The following FNDC3A variants were observed in gnomAD, a reference collection of about 807,000 sequenced individuals.
FNDC3A encodes fibronectin type-III domain-containing protein 3A.
FNDC3A carries 32 observed loss-of-function variants against 148.9 expected under a neutral mutation model. That is an observed-to-expected ratio of 0.21 (90% CI 0.16 to 0.29). The LOEUF is 0.29. FNDC3A is among the 10% of genes least tolerant of loss of function. The pLI is 1.00. For missense variants in FNDC3A, 1,191 were observed against 1,452.8 expected (o/e 0.82, Z 2.93); for synonymous variants, 472 against 473.6 (o/e 1.00, Z 0.04).
chr13:49,011,586 C>T (rs535549707), intron 2 of FNDC3A, among the ~76,000 whole-genome samples: 125 of 152,080 alleles, frequency 8.2e-4, no homozygotes, highest in Non-Finnish European at 1.4e-3. Context: ...GTCAGATTTA[C>T]CAGTTCTTTT....
chr13:49,063,126 A>G (rs913835037), intron 2 of FNDC3A, among the ~76,000 whole-genome samples: 1 of 152,230 alleles, frequency 6.6e-6, no homozygotes, highest in South Asian at 2.1e-4. Flanking sequence ...TGATCCAATA[A>G]GTATGAACAT....
At chr13:49,173,931 G>A (rs1884893957) in intron 11 of FNDC3A, among the ~76,000 whole-genome samples, 1 of 152,024 alleles carries the variant, frequency 6.6e-6, no homozygotes, top group South Asian at 2.1e-4. Context: ...TGTGCTCTCT[G>A]CTAGAACATT....
chr13:49,126,879 A>G (rs7336388), intron 4 of FNDC3A, among the ~76,000 whole-genome samples: 128 of 152,352 alleles, frequency 8.4e-4, no homozygotes, highest in African/African-American at 3.0e-3. Context: ...CAGTGTTACA[A>G]ATATCCAGCA....
At chr13:49,030,400 A>C (rs1874024876) in intron 2 of FNDC3A, among the ~76,000 whole-genome samples, 1 of 152,156 alleles carries the variant, frequency 6.6e-6, no homozygotes, top group Admixed American at 6.5e-5. Flanking sequence ...CAAAAAAAAC[A>C]CAATTAACAT....
chr13:49,153,968 G>C (rs1404672452), intron 8 of FNDC3A, among the ~76,000 whole-genome samples: 3 of 135,672 alleles, frequency 2.2e-5, no homozygotes, highest in Non-Finnish European at 4.7e-5. Context: ...CTCCAGCTTT[G>C]TTCTTTTGGC....
intron 7 of FNDC3A, among the ~76,000 whole-genome samples, chr13:49,139,714 C>T (rs1882584138): frequency 6.6e-6 from 1 of 152,126 alleles, no homozygotes. Context: ...TAAATTTACA[C>T]AATTATTTCA....
intron 3 of FNDC3A, among the ~76,000 whole-genome samples, chr13:49,090,645 C>T (rs1158947573): frequency 6.6e-6 from 1 of 151,206 alleles, no homozygotes; most frequent in Non-Finnish European, 1.5e-5. Context: ...AGAACAACAC[C>T]CTTTTATCCC....
chr13:49,152,153 C>T (rs764932734), intron 8 of FNDC3A, among the ~76,000 whole-genome samples: 1 of 152,202 alleles, frequency 6.6e-6, no homozygotes, highest in Non-Finnish European at 1.5e-5. Flanking sequence ...AATCACCACA[C>T]TGTCTTCCAC....
In FNDC3A at chr13:49,138,734, T is replaced by C; in HGVS notation, c.761-13T>C. The C allele has an allele frequency of 7.5e-7, 1 of 1,334,312 alleles. No individual in the cohort carries two copies. The highest frequency in any genetic ancestry group is 1.0e-6 in the Non-Finnish European group (1 of 956,032). The allele number at this position is 1,334,312 out of a possible 1,614,324, so 82.7% of individuals were successfully genotyped here. On this transcript the variant is annotated splice_polypyrimidine_tract_variant and intron_variant, in intron 6 of 25. Transcript: ENST00000492622. ...TCTTTTTTTTAAATATTCAAATGTT[T>C]TATTTTTTTAAGAAAAAGATGAAGA... is the stretch of plus-strand genomic sequence containing the variant.
chr13:49,097,782 T>A (rs1459547239), intron 3 of FNDC3A, among the ~76,000 whole-genome samples: 3 of 152,024 alleles, frequency 2.0e-5, no homozygotes, highest in Non-Finnish European at 2.9e-5. Flanking sequence ...TCATAAGCCA[T>A]CCAGCTGTAA....
At chr13:49,018,674 T>C (rs971335290) in intron 2 of FNDC3A, among the ~76,000 whole-genome samples, 1 of 152,296 alleles carries the variant, frequency 6.6e-6, no homozygotes, top group Non-Finnish European at 1.5e-5. Flanking sequence ...GGAGGAGAGG[T>C]GCTCTGCTTT....
chr13:49,150,631 T>G (rs1208599993), intron 8 of FNDC3A, among the ~76,000 whole-genome samples: 1 of 152,098 alleles, frequency 6.6e-6, no homozygotes, highest in Non-Finnish European at 1.5e-5. Context: ...TTAGAAAATA[T>G]ATGATATAAT....
intron 2 of FNDC3A, among the ~76,000 whole-genome samples, chr13:49,036,942 G>A (rs1050166492): frequency 1.3e-5 from 2 of 152,084 alleles, no homozygotes; most frequent in East Asian, 3.9e-4. Context: ...TGAAGGTGAG[G>A]CTATTGACCA....
intron 10 of FNDC3A, among the ~76,000 whole-genome samples, chr13:49,169,682 T>C (rs1042190634): frequency 5.9e-5 from 9 of 152,382 alleles, no homozygotes; most frequent in Admixed American, 5.9e-4. Context: ...TAATTATCTG[T>C]CCTTGCTTTG....
At position 49,128,911 on chromosome 13, in the gene FNDC3A, T is replaced by C. The variant is rs190990278; in HGVS notation, c.253-2226T>C. Among the ~76,000 whole-genome samples, 486 of 152,354 alleles carry C rather than the reference T, an allele frequency of 3.2e-3. 1 individual carries two copies. Among genetic ancestry groups the C allele is most frequent in the Non-Finnish European group, 3.8e-3 (261 of 68,036 alleles). On this transcript the variant is annotated intron_variant, in intron 4 of 25. Transcript: ENST00000492622. ...TCAAGTTTCTGCTTAAGCTTTTCTTTGCCAGTAAGGCCTACTCTGATCCCT... is the reference window on the plus strand; with the variant it reads ...TCAAGTTTCTGCTTAAGCTTTTCTTCGCCAGTAAGGCCTACTCTGATCCCT...
intron 2 of FNDC3A, among the ~76,000 whole-genome samples, chr13:49,024,611 A>G (rs547755994): frequency 6.6e-6 from 1 of 152,044 alleles, no homozygotes; most frequent in Admixed American, 6.5e-5. Flanking sequence ...TGACATCAAC[A>G]TAATGAAGGA....
At chr13:48,983,240 C>G in intron 1 of FNDC3A, among the ~76,000 whole-genome samples, 1 of 152,048 alleles carries the variant, frequency 6.6e-6, no homozygotes, top group East Asian at 1.9e-4. Context: ...TGAGTCCTTC[C>G]TGTCTTTTAA....
chr13:49,167,368 A>T, intron 9 of FNDC3A, 65 bp downstream of exon 9: 1 of 885,656 alleles, frequency 1.1e-6, no homozygotes, highest in Non-Finnish European at 1.7e-6. Flanking sequence ...TTAAATAATT[A>T]TTTTCTTAAA....
At chr13:49,149,583 T>G (rs1883175117) in intron 8 of FNDC3A, among the ~76,000 whole-genome samples, 1 of 152,206 alleles carries the variant, frequency 6.6e-6, no homozygotes. Context: ...AATGTGCTGT[T>G]GAATTCAGTT....
Sources: gnomAD v4.1 joint callset for allele counts (sites outside exome capture counted in the v4.1 genomes callset) on GRCh38, gnomAD v4.1.1 for gene constraint, MANE v1.5 for transcripts, NCBI Gene and HGNC (gene_info 2026-07-23, HGNC 2026-07-21) for gene names.